The following SF3B4 variants were observed in gnomAD, a reference collection of about 807,000 sequenced individuals.
The protein encoded by SF3B4 is splicing factor 3b subunit 4.
In SF3B4, 3 loss-of-function variants were observed where a neutral mutation model predicts 34.3. The observed-to-expected ratio is 0.09, with a 90% CI of 0.04 to 0.23. SF3B4 has a LOEUF of 0.23. Among genes scored for constraint, SF3B4 ranks in the 10% least tolerant of loss-of-function variants. SF3B4 has a pLI of 1.00. For synonymous variants in SF3B4, 216 were observed against 207.8 expected (o/e 1.04, Z -0.34); for missense variants, 283 against 567.2 (o/e 0.50, Z 5.09).
chr1:149,923,867 CG>C lies in SF3B4; in HGVS notation c.1060del (p.Arg354GlufsTer26). 1.9e-6 allele frequency: 3 copies of C among 1,601,596 alleles called. No homozygotes were observed. The highest frequency in any genetic ancestry group is 1.8e-5 in the Admixed American group (1 of 56,694). On this transcript the variant is annotated frameshift_variant, in exon 5 of 6. Transcript: ENST00000271628. LOFTEE classifies it high-confidence loss of function. ...PGPPPMGMPP[R>X]GPPFGSPMGH... ...CATGGGAGATCCGAATGGAGGCCCT[CG>C]GGGGGGCATGCCCATTGGAGGAGGT...
At chr1:149,927,320 A>G in intron 1 of SF3B4, 26 bp from the exon 2 acceptor site, 1 of 1,611,506 alleles carries the variant, frequency 6.2e-7, no homozygotes, top group Non-Finnish European at 8.5e-7. Context: ...CAAAAAGAGC[A>G]AGCGTGAGAG....
intron 4 of SF3B4, among the ~76,000 whole-genome samples, chr1:149,924,270 A>T (rs148426920): frequency 6.6e-6 from 1 of 152,178 alleles, no homozygotes; most frequent in African/African-American, 2.4e-5. Flanking sequence ...CCCCAGCTCT[A>T]TCAAAAAATA....
intron 4 of SF3B4, 193 bp downstream of exon 4, chr1:149,925,643 G>A (rs1191118650): frequency 1.9e-5 from 13 of 670,036 alleles, no homozygotes; most frequent in Non-Finnish European, 3.0e-5. Flanking sequence ...GAGTCTACTT[G>A]TCAGAAAAAC....
chr1:149,926,583 G>A lies in SF3B4; in HGVS notation c.499C>T (p.Leu167Phe). The change falls in exon 3 of 6, where the codon CTC becomes TTC. Residue 167 changes from leucine (L) to phenylalanine (F), a missense_variant. By Grantham distance (22) the Leu-to-Phe change is conservative. Coordinates refer to ENST00000271628, the MANE Select transcript of SF3B4 (RefSeq NM_005850.5). This position sits in a 1 kb window ranked among gnomAD's most constrained non-coding sequence, Gnocchi z 6.2. ...AAIEAMNGQY[L>F]CNRPITVSYA... The stretch of plus-strand genomic sequence containing the variant: ...GATACGGTGATAGGACGGTTACAGA[G>A]GTACTGCCCATTCATGGCTTCAATT... 1 of 1,614,178 alleles carries A rather than the reference G, an allele frequency of 6.2e-7. No homozygotes were observed. Among genetic ancestry groups the A allele is most frequent in the Non-Finnish European group, 8.5e-7 (1 of 1,180,040 alleles).
chr1:149,923,521 A>G lies in SF3B4; in HGVS notation c.*21T>C. The G allele has an allele frequency of 1.3e-6, 2 of 1,559,166 alleles. No individual in the cohort carries two copies. The highest frequency in any genetic ancestry group is 1.7e-6 in the Non-Finnish European group (2 of 1,156,986). Reference sequence around the variant, plus strand: ...AGAAAAGATATTGGGAAAATGTAACAGGAGGAAGGAAAATGTGAATTTACT... The same window carrying G: ...AGAAAAGATATTGGGAAAATGTAACGGGAGGAAGGAAAATGTGAATTTACT... On this transcript the variant is annotated 3_prime_UTR_variant, in exon 6 of 6. Transcript: ENST00000271628.
intron 2 of SF3B4, 53 bp downstream of exon 2, chr1:149,927,113 G>C: frequency 6.3e-7 from 1 of 1,598,894 alleles, no homozygotes; most frequent in Admixed American, 1.7e-5. Context: ...CAAAACAGTT[G>C]TGAATACTGC....
rs782196933 is a variant in SF3B4, at chr1:149,925,782, A to T, written c.913+54T>A. The T allele has an allele frequency of 5.8e-5, 78 of 1,354,960 alleles. 1 individual carries two copies. Among genetic ancestry groups the T allele is most frequent in the Non-Finnish European group, 7.8e-5 (74 of 943,426 alleles). The allele number at this position is 1,354,960 out of a possible 1,614,324, so 83.9% of individuals were successfully genotyped here. ...AACAAAGGGCAGCAGGGTGAGTGGT[A>T]ACAGAGATGCTCTACCAAGCTCTTC... is the stretch of plus-strand genomic sequence containing the variant. On this transcript the variant is annotated intron_variant, in intron 4 of 5. Transcript: ENST00000271628.
chr1:149,923,517 T>G lies in SF3B4; in HGVS notation c.*25A>C. On this transcript the variant is annotated 3_prime_UTR_variant, in exon 6 of 6. Transcript: ENST00000271628. The stretch of plus-strand genomic sequence containing the variant: ...GAATAGAAAAGATATTGGGAAAATG[T>G]AACAGGAGGAAGGAAAATGTGAATT... 3.2e-6 allele frequency: 5 copies of G among 1,551,118 alleles called. No individual in the cohort carries two copies. The highest frequency in any genetic ancestry group is 4.3e-6 in the Non-Finnish European group (5 of 1,151,596).
chr1:149,925,306 T>C (rs1372128325), intron 4 of SF3B4, among the ~76,000 whole-genome samples: 1 of 152,016 alleles, frequency 6.6e-6, no homozygotes, highest in Non-Finnish European at 1.5e-5. Flanking sequence ...GATACAGACC[T>C]AGGAGGCATC....
Position 149,924,029 on chromosome 1 carries a change from T to A in SF3B4, c.914-15A>T. ...CTGAGACATCCCTATGAAAATAAAA[T>A]AGACACAAGAAGAAAAGAGACAAAG... On this transcript the variant is annotated splice_polypyrimidine_tract_variant and intron_variant, in intron 4 of 5. Transcript: ENST00000271628. The A allele has an allele frequency of 6.6e-7, 1 of 1,511,668 alleles. No individual in the cohort carries two copies. The highest frequency in any genetic ancestry group is 8.8e-7 in the Non-Finnish European group (1 of 1,137,962). 93.6% of individuals were successfully genotyped at this position (1,511,668 alleles called of 1,614,324 possible). A position where few individuals can be genotyped will look rare whatever the true frequency, so the allele number is the denominator to read the frequency against.
chr1:149,925,882 T>C lies in SF3B4; in HGVS notation c.867A>G (p.Gly289=). 6.2e-7 allele frequency: 1 copy of C among 1,609,762 alleles called. No individual in the cohort carries two copies. The highest frequency in any genetic ancestry group is 8.5e-7 in the Non-Finnish European group (1 of 1,177,228). Residue 289 remains glycine (G), a synonymous_variant, in exon 4 of 6, where the codon GGA becomes GGG. Coordinates refer to ENST00000271628, the MANE Select transcript of SF3B4 (RefSeq NM_005850.5). ...GTGGGAATGGGTGAGGATGTGAGTGTCCATGACCAGGATGTCCTGCCCCTG... is the reference window on the plus strand; with the variant it reads ...GTGGGAATGGGTGAGGATGTGAGTGCCCATGACCAGGATGTCCTGCCCCTG... ...GTPGAGHPGH[G]HSHPHPFPPG...
At position 149,926,843 on chromosome 1, in the gene SF3B4, T is replaced by A; in HGVS notation, c.239A>T (p.Tyr80Phe). The A allele has an allele frequency of 1.2e-6, 2 of 1,614,118 alleles. No homozygotes were observed. The highest frequency in any genetic ancestry group is 4.5e-5 in the East Asian group (2 of 44,878). ...TTTGTTCACCCGTATTGGCTTCCCATAGAGTTTGATCATGTTCATGATCTT... is the reference window on the plus strand; with the variant it reads ...TTTGTTCACCCGTATTGGCTTCCCAAAGAGTTTGATCATGTTCATGATCTT... ...AIKIMNMIKL[Y>F]GKPIRVNKAS... The change falls in exon 3 of 6, where the codon TAT (tyrosine) becomes TTT (phenylalanine). Residue 80 changes from tyrosine (Y) to phenylalanine (F), a missense_variant. Physicochemically the swap from Tyr to Phe is conservative, Grantham distance 22. Around this residue, in one of 4 missense-constraint regions of SF3B4, gnomAD observed 39 missense variants for 127.3 expected, o/e 0.31. Transcript: ENST00000271628. The surrounding 1 kb of genome is among the most constrained non-coding windows in gnomAD (Gnocchi z 6.2).
intron 1 of SF3B4, 75 bp from the exon 2 acceptor site, chr1:149,927,369 G>A (rs1305199713): frequency 3.8e-6 from 6 of 1,574,880 alleles, no homozygotes; most frequent in Admixed American, 1.7e-5. Context: ...ACATGAAGAT[G>A]GAACCCAACC....
In SF3B4 at chr1:149,927,714, C is replaced by T; in HGVS notation, c.34+12G>A. On this transcript the variant is annotated intron_variant, in intron 1 of 5. Transcript: ENST00000271628. ...ACGCTGAGCCCATTCCAGACTTTCC[C>T]CCTCCAGTTACCCTGATTCCGCTCG... The T allele has an allele frequency of 1.3e-6, 2 of 1,552,842 alleles. No homozygotes were observed. The highest frequency in any genetic ancestry group is 1.7e-6 in the Non-Finnish European group (2 of 1,147,596).
Position 149,926,330 on chromosome 1 carries a change from C to T in SF3B4, c.706+46G>A, listed in dbSNP as rs1553766015. On this transcript the variant is annotated intron_variant, in intron 3 of 5. Coordinates refer to ENST00000271628, the MANE Select transcript of SF3B4 (RefSeq NM_005850.5). This position sits in a 1 kb window ranked among gnomAD's most constrained non-coding sequence, Gnocchi z 6.2. The stretch of plus-strand genomic sequence containing the variant: ...ACTTGTTTTCTTCTTCCTCCTGACC[C>T]TCTCCCCCAACCTTAAGACAAACAT... 1.3e-6 allele frequency: 2 copies of T among 1,526,530 alleles called. No individual in the cohort carries two copies. Among genetic ancestry groups the T allele is most frequent in the Admixed American group, 1.9e-5 (1 of 51,802 alleles). 94.6% of individuals were successfully genotyped at this position (1,526,530 alleles called of 1,614,324 possible). A position where few individuals can be genotyped will look rare whatever the true frequency, so the allele number is the denominator to read the frequency against.
At position 149,925,961 on chromosome 1, in the gene SF3B4, G is replaced by A. The variant is rs782503373; in HGVS notation, c.788C>T (p.Pro263Leu). 1.0e-5 allele frequency: 16 copies of A among 1,528,022 alleles called. No homozygotes were observed. Among genetic ancestry groups the A allele is most frequent in the Non-Finnish European group, 1.1e-5 (12 of 1,131,186 alleles). 94.7% of individuals were successfully genotyped at this position (1,528,022 alleles called of 1,614,324 possible). Residue 263 changes from proline (P) to leucine (L), a missense_variant, in exon 4 of 6, where the codon CCA becomes CTA. Pro to Leu is a moderately conservative substitution (Grantham distance 98). Around this residue, in one of 4 missense-constraint regions of SF3B4, gnomAD observed 208 missense variants for 292.6 expected, o/e 0.71. Transcript: ENST00000271628. ...TGCAGCCCCAGGAGGCATAGGTGGT[G>A]GGGGCATGGCTGGGGGTATCCCAGG... ...LPPGIPPAMPPPPMPPGAAGH... is the reference protein window; with the variant it reads ...LPPGIPPAMPLPPMPPGAAGH...
chr1:149,923,799 CATG>C (rs2092570274), intron 5 of SF3B4, 39 bp downstream of exon 5: 7 of 1,540,506 alleles, frequency 4.5e-6, no homozygotes, highest in Non-Finnish European at 6.1e-6. Flanking sequence ...GCTGTAAGAA[CATG>C]ATAAGTGCAG....
intron 5 of SF3B4, 47 bp downstream of exon 5, chr1:149,923,794 A>C (rs1553765633): frequency 6.5e-7 from 1 of 1,536,170 alleles, no homozygotes; most frequent in Non-Finnish European, 8.7e-7. Flanking sequence ...AGGAAGCTGT[A>C]AGAACATGAT....
rs1553766278 is a variant in SF3B4 at position 149,927,768 on chromosome 1, A to G, written c.-9T>C. The G allele has an allele frequency of 6.4e-7, 1 of 1,552,682 alleles. No homozygotes were observed. The highest frequency in any genetic ancestry group is 8.7e-7 in the Non-Finnish European group (1 of 1,147,572). Reference sequence around the variant, plus strand: ...ATCGGCCCGGCAGCCATGGCGAAAGAGATCCCGCCGTCTCCCAGCAGCGGT... The same window carrying G: ...ATCGGCCCGGCAGCCATGGCGAAAGGGATCCCGCCGTCTCCCAGCAGCGGT... On this transcript the variant is annotated 5_prime_UTR_variant, in exon 1 of 6. Transcript: ENST00000271628.
Sources: allele counts gnomAD v4.1 joint callset (sites outside exome capture counted in the v4.1 genomes callset), GRCh38; gene constraint gnomAD v4.1.1; regional missense constraint gnomAD v4.1.1; non-coding constraint Gnocchi (gnomAD v3.1); transcripts MANE v1.5; gene names NCBI Gene and HGNC (gene_info 2026-07-23, HGNC 2026-07-21).